Variants in COL4A2 observed in about 807,000 individuals in gnomAD.
COL4A2 encodes collagen alpha-2(IV) chain.
In COL4A2, 99 loss-of-function variants were observed where a neutral mutation model predicts 200.2. The ratio of observed to expected loss-of-function variants is 0.49; its 90% CI spans 0.42 to 0.58. The LOEUF (loss-of-function observed/expected upper bound fraction) is 0.58, where lower values mean the gene tolerates loss of function less well. Ranked by LOEUF, COL4A2 falls within the 20% of genes least tolerant of loss-of-function variation. The probability of loss-of-function intolerance (pLI) is 0.00; values close to 1 mark genes in which losing one functional copy is unlikely to be tolerated. For synonymous variants in COL4A2, 897 were observed against 900.6 expected (o/e 1.00, Z 0.07); for missense variants, 1,950 against 2,314.1 (o/e 0.84, Z 3.23).
chr13:110,481,978 G>A (rs111386846), intron 31 of COL4A2, among the ~76,000 whole-genome samples: 3 of 140,058 alleles, frequency 2.1e-5, no homozygotes, highest in Admixed American at 6.9e-5. Flanking sequence ...CTGTCCTTCC[G>A]TTGCTGGAGA....
At chr13:110,461,811 A>G (rs1882036200) in intron 22 of COL4A2, among the ~76,000 whole-genome samples, 1 of 152,216 alleles carries the variant, frequency 6.6e-6, no homozygotes, top group Admixed American at 6.5e-5. Flanking sequence ...CTGCGATTAC[A>G]GAAGTGAATC....
At chr13:110,346,901 A>G (rs1455021586) in intron 3 of COL4A2, among the ~76,000 whole-genome samples, 1 of 152,198 alleles carries the variant, frequency 6.6e-6, no homozygotes, top group Non-Finnish European at 1.5e-5. Context: ...AGGCCATGAA[A>G]GAACGGGGAA....
At chr13:110,422,225 T>C (rs1880279389) in intron 4 of COL4A2, among the ~76,000 whole-genome samples, 1 of 152,154 alleles carries the variant, frequency 6.6e-6, no homozygotes, top group Admixed American at 6.5e-5. Context: ...AAGGTTATAG[T>C]CTAGCATAGC....
chr13:110,504,491 G>A (rs746005631), intron 45 of COL4A2, among the ~76,000 whole-genome samples: 3 of 152,236 alleles, frequency 2.0e-5, no homozygotes, highest in Admixed American at 6.5e-5. Flanking sequence ...GGACACCTGC[G>A]GTGCTGTGGA....
At chr13:110,463,745 A>G (rs1594087452) in intron 24 of COL4A2, among the ~76,000 whole-genome samples, 1 of 152,158 alleles carries the variant, frequency 6.6e-6, no homozygotes, top group Admixed American at 6.5e-5. Flanking sequence ...TATGTTGCCC[A>G]TGCTGGTCTC....
At chr13:110,416,723 A>G (rs1880053428) in intron 4 of COL4A2, among the ~76,000 whole-genome samples, 1 of 152,228 alleles carries the variant, frequency 6.6e-6, no homozygotes, top group Non-Finnish European at 1.5e-5. Context: ...ATATAATAGC[A>G]TCTTAGAATT....
intron 34 of COL4A2, among the ~76,000 whole-genome samples, chr13:110,486,528 A>T (rs1883123613): frequency 6.6e-6 from 1 of 152,142 alleles, no homozygotes; most frequent in South Asian, 2.1e-4. Context: ...TCCCTAGCAC[A>T]CGGCTGGCCT....
Position 110,357,493 on chromosome 13 carries a change from C to G in COL4A2, c.121C>G (p.Pro41Ala), listed in dbSNP as rs540581830. 6.3e-7 allele frequency: 1 copy of G among 1,593,918 alleles called. No individual in the cohort carries two copies. The highest frequency in any genetic ancestry group is 1.7e-5 in the Admixed American group (1 of 58,580). Reference sequence around the variant, plus strand: ...GCAGGGTGTGAAGAAGTTTGATGTGCCGTGTGGAGGAAGAGATTGCAGTGG... The same window carrying G: ...GCAGGGTGTGAAGAAGTTTGATGTGGCGTGTGGAGGAAGAGATTGCAGTGG... ...VLAGVKKFDV[P>A]CGGRDCSGGC... is the part of the protein sequence containing the mutation. The change falls in exon 4 of 48, where the codon CCG becomes GCG. Residue 41 changes from proline (P) to alanine (A), a missense_variant. By Grantham distance (27) the Pro-to-Ala change is conservative. Coordinates refer to ENST00000360467, the MANE Select transcript of COL4A2 (RefSeq NM_001846.4).
At chr13:110,364,238 C>T (rs1363706627) in intron 4 of COL4A2, among the ~76,000 whole-genome samples, 1 of 152,206 alleles carries the variant, frequency 6.6e-6, no homozygotes, top group African/African-American at 2.4e-5. Context: ...CCTGTCTACA[C>T]ATAGCTCTCA....
chr13:110,464,098 G>A (rs781733687), intron 24 of COL4A2, among the ~76,000 whole-genome samples: 1 of 152,142 alleles, frequency 6.6e-6, no homozygotes, highest in Admixed American at 6.5e-5. Flanking sequence ...TGTGTGGTCC[G>A]TTTGAGTCTG....
intron 27 of COL4A2, chr13:110,468,418 C>G (rs1882336729): frequency 2.3e-6 from 1 of 439,088 alleles, no homozygotes; most frequent in Admixed American, 2.4e-5. Context: ...GAACCAGAGG[C>G]CAGCACGCTC....
chr13:110,386,013 G>C lies in COL4A2; in HGVS notation c.180+28461G>C, dbSNP rs373201699. Reference sequence around the variant, plus strand: ...TGGATGGGCCGTGGTCACAGCGTGTGGATGGGCCGTGGTTACAGTGTGTGG... The same window carrying C: ...TGGATGGGCCGTGGTCACAGCGTGTCGATGGGCCGTGGTTACAGTGTGTGG... On this transcript the variant is annotated intron_variant, in intron 4 of 47. Transcript: ENST00000360467. Among the ~76,000 whole-genome samples, 27 of 142,670 alleles carry C rather than the reference G, an allele frequency of 1.9e-4. 4 individuals are homozygous for C. Among genetic ancestry groups the C allele is most frequent in the South Asian group, 1.8e-3 (8 of 4,558 alleles). 93.6% of individuals were successfully genotyped at this position (142,670 alleles called of 152,430 possible). A position where few individuals can be genotyped will look rare whatever the true frequency, so the allele number is the denominator to read the frequency against.
At chr13:110,352,037 A>G (rs1876981833) in intron 3 of COL4A2, among the ~76,000 whole-genome samples, 1 of 152,204 alleles carries the variant, frequency 6.6e-6, no homozygotes, top group South Asian at 2.1e-4. Flanking sequence ...TGAAAGTCAT[A>G]GGAAGAATGG....
chr13:110,345,001 G>A (rs928027061), intron 3 of COL4A2, among the ~76,000 whole-genome samples: 1 of 152,132 alleles, frequency 6.6e-6, no homozygotes, highest in African/African-American at 2.4e-5. Flanking sequence ...TCGGTGGTTT[G>A]CTGTGTGGTT....
intron 22 of COL4A2, chr13:110,459,242 G>A (rs1002511371): frequency 4.8e-5 from 14 of 289,326 alleles, no homozygotes; most frequent in South Asian, 9.7e-5. Context: ...TTGAAAGCAC[G>A]TGTCCACACA....
chr13:110,473,025 C>T lies in COL4A2; in HGVS notation c.2300C>T (p.Pro767Leu), dbSNP rs1882539738. 1.4e-5 allele frequency: 21 copies of T among 1,515,742 alleles called. No individual in the cohort carries two copies. Among genetic ancestry groups the T allele is most frequent in the Non-Finnish European group, 1.9e-5 (21 of 1,132,420 alleles). 93.9% of individuals were successfully genotyped at this position (1,515,742 alleles called of 1,614,324 possible). A position where few individuals can be genotyped will look rare whatever the true frequency, so the allele number is the denominator to read the frequency against. ...GGCCTGCCAGGGCCAGATGGGCCCC[C>T]TGGGGAAAGGGGCCTCCCTGGAGAA... The part of the protein sequence containing the change: ...PIGLPGPDGP[P>L]GERGLPGEVL... The change falls in exon 29 of 48, where the codon CCT becomes CTT. Residue 767 changes from proline (P) to leucine (L), a missense_variant. Pro to Leu is a moderately conservative substitution (Grantham distance 98). Around this residue, in one of 2 missense-constraint regions of COL4A2, gnomAD observed 1,385 missense variants for 1,720.5 expected, o/e 0.80. Transcript: ENST00000360467.
chr13:110,492,278 C>G (rs1219957409), intron 38 of COL4A2, 101 bp downstream of exon 38: 1 of 1,017,278 alleles, frequency 9.8e-7, no homozygotes, highest in Non-Finnish European at 1.5e-6. Context: ...ACTTCTAAGG[C>G]CCATACGAGA....
rs531190187 is a variant in COL4A2, at chr13:110,361,491, C to G, written c.180+3939C>G. 3.9e-5 allele frequency among the ~76,000 whole-genome samples: 6 copies of G among 152,354 alleles called. No homozygotes were observed. The South Asian group carries it at 1.2e-3, about 32-fold the overall frequency. The stretch of plus-strand genomic sequence containing the variant: ...TCGCCACACCCCAGCACTTGGCTAG[C>G]TCAGCCTTTTATGGGCATGGTACCC... On this transcript the variant is annotated intron_variant, in intron 4 of 47. Transcript: ENST00000360467.
chr13:110,501,825 G>A (rs577237947), intron 41 of COL4A2, 41 bp downstream of exon 41: 4 of 1,575,260 alleles, frequency 2.5e-6, no homozygotes, highest in African/African-American at 2.7e-5. Context: ...CATCTCTAGG[G>A]GCAGGAGCTG....
Sources: gnomAD v4.1 joint callset for allele counts (sites outside exome capture counted in the v4.1 genomes callset) on GRCh38, gnomAD v4.1.1 for gene constraint, gnomAD v4.1.1 regional missense constraint, MANE v1.5 for transcripts, NCBI Gene and HGNC (gene_info 2026-07-23, HGNC 2026-07-21) for gene names.